The following KCNH1 variants were observed in gnomAD, a reference collection of about 807,000 sequenced individuals.
KCNH1 encodes the protein voltage-gated delayed rectifier potassium channel KCNH1.
A neutral mutation model predicts 69.2 loss-of-function variants in KCNH1; 27 were observed. The observed-to-expected ratio is 0.39, with a 90% confidence interval of 0.29 to 0.54. The LOEUF (loss-of-function observed/expected upper bound fraction) is 0.54, where lower values mean the gene tolerates loss of function less well. KCNH1 is among the 20% of genes least tolerant of loss of function. The pLI is 0.68. For missense variants in KCNH1, 798 were observed against 1,261.6 expected, an observed-to-expected ratio of 0.63 and a Z score of 5.57; for synonymous variants, 456 against 487.7, an observed-to-expected ratio of 0.93 and a Z score of 0.86.
intron 7 of KCNH1, among the ~76,000 whole-genome samples, chr1:210,815,544 TCTTA>T (rs1003815281): frequency 5.9e-5 from 9 of 152,128 alleles, no homozygotes; most frequent in Admixed American, 4.6e-4. Flanking sequence ...TTTCCCCACT[TCTTA>T]CTTAGCCCTT....
intron 1 of KCNH1, among the ~76,000 whole-genome samples, chr1:211,109,923 C>T (rs968345867): frequency 1.7e-4 from 25 of 150,496 alleles, no homozygotes; most frequent in African/African-American, 5.9e-4. Flanking sequence ...AACAAGAACT[C>T]TTATAAATTA....
At chr1:210,725,398 A>G (rs1443238308) in intron 10 of KCNH1, among the ~76,000 whole-genome samples, 1 of 152,180 alleles carries the variant, frequency 6.6e-6, no homozygotes, top group African/African-American at 2.4e-5. Context: ...ACACCAGACA[A>G]AAAACACCAA....
intron 3 of KCNH1, among the ~76,000 whole-genome samples, chr1:211,099,848 A>C (rs1691226703): frequency 6.6e-6 from 1 of 152,062 alleles, no homozygotes; most frequent in Admixed American, 6.6e-5. Flanking sequence ...CCATCACTGG[A>C]CACCACTGAC....
intron 6 of KCNH1, among the ~76,000 whole-genome samples, chr1:210,959,365 A>G (rs368637828): frequency 6.6e-6 from 1 of 152,162 alleles, no homozygotes; most frequent in South Asian, 2.1e-4. Context: ...GTTAGGCCAC[A>G]TGGGGGCCAG....
intron 7 of KCNH1, among the ~76,000 whole-genome samples, chr1:210,829,653 T>C (rs1685116664): frequency 6.6e-6 from 1 of 152,182 alleles, no homozygotes. Context: ...CGGCTACCTG[T>C]ACAGGAAGAC....
intron 7 of KCNH1, 90 bp from the exon 8 acceptor site, chr1:210,804,256 G>C: frequency 9.1e-7 from 1 of 1,102,856 alleles, no homozygotes; most frequent in South Asian, 1.5e-5. Context: ...CTCAGAGTAG[G>C]CCAATGGCCA....
intron 6 of KCNH1, among the ~76,000 whole-genome samples, chr1:210,959,461 C>T (rs1274337639): frequency 6.6e-6 from 1 of 152,214 alleles, no homozygotes; most frequent in Non-Finnish European, 1.5e-5. Context: ...AGCTGACAGA[C>T]ATAGATGTTT....
At chr1:210,750,252 C>T (rs113694564) in intron 10 of KCNH1, among the ~76,000 whole-genome samples, 2,548 of 152,178 alleles carry the variant, frequency 0.017, 71 homozygotes, top group African/African-American at 0.058. Context: ...AGCAAGGATC[C>T]GATAAGATAA....
intron 6 of KCNH1, among the ~76,000 whole-genome samples, chr1:211,002,267 C>CAT (rs200069918): frequency 0.032 from 4,734 of 147,368 alleles, 111 homozygotes; most frequent in South Asian, 0.063. Context: ...TACACACACA[C>CAT]ACATATATAT....
intron 5 of KCNH1, among the ~76,000 whole-genome samples, chr1:211,057,762 A>G (rs573782675): frequency 3.3e-5 from 5 of 152,306 alleles, no homozygotes; most frequent in Non-Finnish European, 5.9e-5. Context: ...TTGGCCTTAA[A>G]GAGGAGATGG....
chr1:211,068,829 G>A (rs576831379), intron 5 of KCNH1, among the ~76,000 whole-genome samples: 17 of 152,294 alleles, frequency 1.1e-4, no homozygotes, highest in Admixed American at 4.6e-4. Flanking sequence ...ACCTCCACAG[G>A]AACCAGTGCT....
At chr1:211,093,481 T>C (rs545149602) in intron 3 of KCNH1, among the ~76,000 whole-genome samples, 1 of 152,284 alleles carries the variant, frequency 6.6e-6, no homozygotes, top group Admixed American at 6.5e-5. Flanking sequence ...AGATGGTGTT[T>C]CACTATGTTG....
intron 7 of KCNH1, among the ~76,000 whole-genome samples, chr1:210,819,267 A>C (rs1300709255): frequency 6.6e-6 from 1 of 152,240 alleles, no homozygotes; most frequent in East Asian, 1.9e-4. Flanking sequence ...GTCTAGGAAA[A>C]TATGACATTC....
intron 9 of KCNH1, among the ~76,000 whole-genome samples, chr1:210,779,687 T>A (rs1323315560): frequency 2.0e-5 from 3 of 151,534 alleles, no homozygotes; most frequent in Non-Finnish European, 2.9e-5. Flanking sequence ...ATGTTCCAAG[T>A]CTCTAAAATA....
chr1:210,885,705 G>A (rs906467652), intron 7 of KCNH1, among the ~76,000 whole-genome samples: 1 of 152,120 alleles, frequency 6.6e-6, no homozygotes, highest in African/African-American at 2.4e-5. Context: ...GAGCTTGGTA[G>A]GGGGAGAGGC....
chr1:211,044,009 G>A (rs923869289), intron 5 of KCNH1, among the ~76,000 whole-genome samples: 2 of 152,142 alleles, frequency 1.3e-5, no homozygotes, highest in Non-Finnish European at 2.9e-5. Context: ...AAAGTTGAAA[G>A]CATTCCCTCT....
rs533415187 is a variant in KCNH1, at chr1:210,998,980, A to C, written c.1032+19803T>G. ...TTGAAACCGATGAGAACAAAGACAC[A>C]ACATACCAGAATCTCTGGGACACAT... On this transcript the variant is annotated intron_variant, in intron 6 of 10. Transcript: ENST00000271751. Among the ~76,000 whole-genome samples, 132 of 152,362 alleles carry C rather than the reference A, an allele frequency of 8.7e-4. 1 individual carries two copies. The highest frequency in any genetic ancestry group is 3.1e-3 in the African/African-American group (127 of 41,588).
intron 6 of KCNH1, among the ~76,000 whole-genome samples, chr1:211,011,475 T>C (rs974762744): frequency 1.1e-4 from 17 of 152,176 alleles, no homozygotes; most frequent in African/African-American, 3.9e-4. Flanking sequence ...TGATGTATAA[T>C]CCTTTGGGTA....
At chr1:211,015,085 G>A (rs1182225143) in intron 6 of KCNH1, among the ~76,000 whole-genome samples, 4 of 152,276 alleles carry the variant, frequency 2.6e-5, no homozygotes, top group Middle Eastern at 3.4e-3. Context: ...AAACTGCTGG[G>A]TCTGTCCCTT....
Sources: gnomAD v4.1 joint callset for allele counts (sites outside exome capture counted in the v4.1 genomes callset) on GRCh38, gnomAD v4.1.1 for gene constraint, MANE v1.5 for transcripts, NCBI Gene and HGNC (gene_info 2026-07-23, HGNC 2026-07-21) for gene names.